ONECUT3: variants seen among roughly 807,000 people sequenced by gnomAD.
ONECUT3 encodes one cut domain family member 3.
A neutral mutation model predicts 16.8 loss-of-function variants in ONECUT3; 11 were observed. That is an observed-to-expected ratio of 0.66 (90% CI 0.41 to 1.09). The LOEUF (loss-of-function observed/expected upper bound fraction) is 1.09. Ranked by LOEUF, ONECUT3 falls within the 50% of genes least tolerant of loss-of-function variation. The pLI, the probability that ONECUT3 is intolerant of heterozygous loss-of-function variation, is 0.00. For missense variants in ONECUT3, 637 were observed against 629.9 expected (o/e 1.01, Z -0.12); for synonymous variants, 344 against 310.7 (o/e 1.11, Z -1.13).
At chr19:1,765,550 C>G (rs2067979226) in intron 1 of ONECUT3, among the ~76,000 whole-genome samples, 1 of 152,222 alleles carries the variant, frequency 6.6e-6, no homozygotes, top group African/African-American at 2.4e-5. Flanking sequence ...TGTCCTGTGA[C>G]TGTGAGTGGA....
rs923902732 is a variant in ONECUT3 at position 1,758,694 on chromosome 19, A to C, written c.1192+3840A>C. ...CACCCCATGGTCCTCCGAGTCCCGC[A>C]CTTCGGAGCTGCCTCCTGGTCAAAG... On this transcript the variant is annotated intron_variant, in intron 1 of 1. Coordinates refer to ENST00000382349, the MANE Select transcript of ONECUT3 (RefSeq NM_001080488.2). The surrounding 1 kb of genome is among the most constrained non-coding windows in gnomAD (Gnocchi z 5.9). Among the ~76,000 whole-genome samples the C allele has an allele frequency of 2.7e-5, 4 of 150,534 alleles. No homozygotes were observed. Among genetic ancestry groups the C allele is most frequent in the Admixed American group, 1.3e-4 (2 of 15,156 alleles).
chr19:1,754,333 C>A lies in ONECUT3; in HGVS notation c.671C>A (p.Pro224Gln). 3.8e-6 allele frequency: 4 copies of A among 1,064,684 alleles called. No homozygotes were observed. Among genetic ancestry groups the A allele is most frequent in the Non-Finnish European group, 4.5e-6 (4 of 883,800 alleles). 66.0% of individuals were successfully genotyped at this position (1,064,684 alleles called of 1,614,324 possible). A position where few individuals can be genotyped will look rare whatever the true frequency, so the allele number is the denominator to read the frequency against. Reference protein sequence around the residue: ...PQPPPPPPPPPLAAYGPPGHL... With the variant: ...PQPPPPPPPPQLAAYGPPGHL... ...CCCCCGCCGCCGCCACCACCCCCGC[C>A]GCTGGCCGCCTACGGCCCGCCAGGC... The change falls in exon 1 of 2, where the codon CCG becomes CAG. Residue 224 changes from proline to glutamine, a missense_variant. Around this residue, in one of 3 missense-constraint regions of ONECUT3, gnomAD observed 419 missense variants for 377.9 expected, o/e 1.11. Coordinates refer to ENST00000382349, the MANE Select transcript of ONECUT3 (RefSeq NM_001080488.2). This position sits in a 1 kb window ranked among gnomAD's most constrained non-coding sequence, Gnocchi z 7.4.
rs1600339149 is a variant in ONECUT3 at position 1,758,195 on chromosome 19, T to G, written c.1192+3341T>G. ...GGGGTCGCGAGACAAAACCAGAGAG[T>G]GGGGAGGGAGAGACCGGGAGCGGGA... On this transcript the variant is annotated intron_variant, in intron 1 of 1. Transcript: ENST00000382349. This position sits in a 1 kb window ranked among gnomAD's most constrained non-coding sequence, Gnocchi z 5.9. Among the ~76,000 whole-genome samples the G allele has an allele frequency of 1.7e-4, 21 of 127,174 alleles. No homozygotes were observed. Among genetic ancestry groups the G allele is most frequent in the South Asian group, 2.5e-4 (1 of 3,946 alleles). 83.4% of individuals were successfully genotyped at this position (127,174 alleles called of 152,430 possible).
intron 1 of ONECUT3, among the ~76,000 whole-genome samples, chr19:1,771,689 A>T (rs1247697173): frequency 6.6e-6 from 1 of 151,832 alleles, no homozygotes. Context: ...TCCCACCCCC[A>T]TTTTTTTAGA....
In ONECUT3 at chr19:1,762,574, T is replaced by C. The variant is rs1192121890; in HGVS notation, c.1192+7720T>C. On this transcript the variant is annotated intron_variant, in intron 1 of 1. Transcript: ENST00000382349. The surrounding 1 kb of genome is among the most constrained non-coding windows in gnomAD (Gnocchi z 4.4). ...CATCGGTCCTTGGCGGGTGTGTGGA[T>C]CCCAGAGCGCGCCCGGCCCCCAACA... Among the ~76,000 whole-genome samples, 2 of 152,164 alleles carry C rather than the reference T, an allele frequency of 1.3e-5. No individual in the cohort carries two copies. The highest frequency in any genetic ancestry group is 2.4e-5 in the African/African-American group (1 of 41,422).
Position 1,754,514 on chromosome 19 carries a change from G to A in ONECUT3, c.852G>A (p.Leu284=). The A allele has an allele frequency of 1.0e-6, 1 of 980,068 alleles. No homozygotes were observed. The highest frequency in any genetic ancestry group is 1.2e-6 in the Non-Finnish European group (1 of 827,926). The allele number at this position is 980,068 out of a possible 1,614,324, so 60.7% of individuals were successfully genotyped here. A position where few individuals can be genotyped will look rare whatever the true frequency, so the allele number is the denominator to read the frequency against. Residue 284 remains leucine, a synonymous_variant, in exon 1 of 2, where the codon CTG becomes CTA. Coordinates refer to ENST00000382349, the MANE Select transcript of ONECUT3 (RefSeq NM_001080488.2). The surrounding 1 kb of genome is among the most constrained non-coding windows in gnomAD (Gnocchi z 7.4). ...GAGSGSAAGL[L]APLGGLAAAG... ...GCAGCGGGAGCGCCGCGGGGCTGCT[G>A]GCGCCGCTGGGCGGGCTGGCGGCGG...
rs1312068239 is a variant in ONECUT3, at chr19:1,759,633, G to A, written c.1192+4779G>A. ...CAGAAAAATATGCCCCACGCCACTAGACAGTAGAGATAACCAAGGTTGGGG... is the reference window on the plus strand; with the variant it reads ...CAGAAAAATATGCCCCACGCCACTAAACAGTAGAGATAACCAAGGTTGGGG... On this transcript the variant is annotated intron_variant, in intron 1 of 1. Transcript: ENST00000382349. This position sits in a 1 kb window ranked among gnomAD's most constrained non-coding sequence, Gnocchi z 4.1. Among the ~76,000 whole-genome samples, 3 of 152,202 alleles carry A rather than the reference G, an allele frequency of 2.0e-5. No individual in the cohort carries two copies. Among genetic ancestry groups the A allele is most frequent in the Non-Finnish European group, 4.4e-5 (3 of 68,030 alleles).
chr19:1,763,590 G>A (rs2067959406), intron 1 of ONECUT3, among the ~76,000 whole-genome samples: 1 of 151,880 alleles, frequency 6.6e-6, no homozygotes, highest in African/African-American at 2.4e-5. Context: ...TTTTACAATA[G>A]TTAACGCATT....
At chr19:1,769,584 G>A (rs1198077170) in intron 1 of ONECUT3, among the ~76,000 whole-genome samples, 4 of 146,012 alleles carry the variant, frequency 2.7e-5, no homozygotes, top group Non-Finnish European at 6.1e-5. Context: ...GGATTGGTGT[G>A]GGGGTGAACC....
In ONECUT3 at chr19:1,754,607, C is replaced by T. The variant is rs1358228662; in HGVS notation, c.945C>T (p.Gly315=). The T allele has an allele frequency of 7.3e-7, 1 of 1,374,072 alleles. No individual in the cohort carries two copies. The allele number at this position is 1,374,072 out of a possible 1,614,324, so 85.1% of individuals were successfully genotyped here. ...PGGSGGGPSA[G]AAAEEINTKE... ...GGAGCGGCGGCGGCCCCAGCGCGGG[C>T]GCAGCGGCCGAGGAGATCAACACCA... is the stretch of plus-strand genomic sequence containing the variant. Residue 315 remains glycine, a synonymous_variant, in exon 1 of 2, where the codon GGC becomes GGT. Coordinates refer to ENST00000382349, the MANE Select transcript of ONECUT3 (RefSeq NM_001080488.2). This position sits in a 1 kb window ranked among gnomAD's most constrained non-coding sequence, Gnocchi z 7.4.
chr19:1,765,878 G>C (rs142946744), intron 1 of ONECUT3, among the ~76,000 whole-genome samples: 13 of 152,180 alleles, frequency 8.5e-5, no homozygotes, highest in Non-Finnish European at 1.5e-4. Context: ...ACATGGATGC[G>C]TAACCCACAC....
At chr19:1,767,608 C>G (rs1370885275) in intron 1 of ONECUT3, among the ~76,000 whole-genome samples, 9 of 152,124 alleles carry the variant, frequency 5.9e-5, no homozygotes, top group Non-Finnish European at 1.2e-4. Flanking sequence ...TGGGTTGGGG[C>G]GGGGACGGCT....
rs1169993655 is a variant in ONECUT3, at chr19:1,777,092, A to G, written c.*1647A>G. ...AGGGAGGGAGAGGATCGTGAGGTCG[A>G]AGAGTGCCTTCTTCTTGAACCAAAG... On this transcript the variant is annotated 3_prime_UTR_variant, in exon 2 of 2. Transcript: ENST00000382349. 6.6e-6 allele frequency: 1 copy of G among 152,136 alleles called. No individual in the cohort carries two copies. The highest frequency in any genetic ancestry group is 1.5e-5 in the Non-Finnish European group (1 of 68,046). The allele number at this position is 152,136 out of a possible 1,614,324, so 9.4% of individuals were successfully genotyped here.
rs932794906 is a variant in ONECUT3 at position 1,776,271 on chromosome 19, A to C, written c.*826A>C. On this transcript the variant is annotated 3_prime_UTR_variant, in exon 2 of 2. Coordinates refer to ENST00000382349, the MANE Select transcript of ONECUT3 (RefSeq NM_001080488.2). The surrounding 1 kb of genome is among the most constrained non-coding windows in gnomAD (Gnocchi z 4.9). ...TGTTGAGTTCACTTTACCTTTAGGC[A>C]CCTTCGTGGAGCGCAAGGAAGGACG... 4 of 151,826 alleles carry C rather than the reference A, an allele frequency of 2.6e-5. No individual in the cohort carries two copies. Among genetic ancestry groups the C allele is most frequent in the Admixed American group, 2.6e-4 (4 of 15,254 alleles). 9.4% of individuals were successfully genotyped at this position (151,826 alleles called of 1,614,324 possible).
chr19:1,772,557 A>G (rs948661729), intron 1 of ONECUT3, among the ~76,000 whole-genome samples: 1 of 151,568 alleles, frequency 6.6e-6, no homozygotes, highest in African/African-American at 2.4e-5. Context: ...CTCTTCCTCT[A>G]TTTTTGAACT....
At chr19:1,756,016 G>A (rs2067914430) in intron 1 of ONECUT3, among the ~76,000 whole-genome samples, 1 of 152,162 alleles carries the variant, frequency 6.6e-6, no homozygotes, top group Non-Finnish European at 1.5e-5. Context: ...GCTTCTCCGA[G>A]CACAAGGGCG....
chr19:1,771,260 C>G (rs752688430), intron 1 of ONECUT3, among the ~76,000 whole-genome samples: 3 of 152,096 alleles, frequency 2.0e-5, no homozygotes, highest in Non-Finnish European at 4.4e-5. Flanking sequence ...TTTGGAGGAC[C>G]CCTTTTCTCT....
At chr19:1,768,873 AGGTAGAGGTGGAGGT>A in intron 1 of ONECUT3, among the ~76,000 whole-genome samples, 1 of 120,328 alleles carries the variant, frequency 8.3e-6, no homozygotes, top group South Asian at 3.5e-4. Flanking sequence ...GAGGTGGCGG[AGGTAGAGGTGGAGGT>A]GGTGGAGGTG....
Position 1,754,316 on chromosome 19 carries a change from G to A in ONECUT3, c.654G>A (p.Pro218=). Reference sequence around the variant, plus strand: ...TGCACGGCGCCCCGCAGCCCCCGCCGCCGCCACCACCCCCGCCGCTGGCCG... The same window carrying A: ...TGCACGGCGCCCCGCAGCCCCCGCCACCGCCACCACCCCCGCCGCTGGCCG... The part of the protein sequence containing the change: ...PALHGAPQPP[P]PPPPPPLAAY... The change falls in exon 1 of 2, where the codon CCG becomes CCA. Residue 218 remains proline (P), a synonymous_variant. Transcript: ENST00000382349. The surrounding 1 kb of genome is among the most constrained non-coding windows in gnomAD (Gnocchi z 7.4). The A allele has an allele frequency of 9.5e-7, 1 of 1,052,298 alleles. No homozygotes were observed. Among genetic ancestry groups the A allele is most frequent in the South Asian group, 4.1e-5 (1 of 24,460 alleles). 65.2% of individuals were successfully genotyped at this position (1,052,298 alleles called of 1,614,324 possible).
Sources: gnomAD v4.1 joint callset for allele counts (sites outside exome capture counted in the v4.1 genomes callset) on GRCh38, gnomAD v4.1.1 for gene constraint, gnomAD v4.1.1 regional missense constraint, Gnocchi (gnomAD v3.1) non-coding constraint, MANE v1.5 for transcripts, NCBI Gene and HGNC (gene_info 2026-07-23, HGNC 2026-07-21) for gene names.